Variants in RBFOX3 observed in about 807,000 individuals in gnomAD.
The protein encoded by RBFOX3 is RNA binding fox-1 homolog 3, also known as RNA binding protein fox-1 homolog 3.
Under a neutral mutation model 48.7 loss-of-function variants are expected in RBFOX3, and 17 were observed. The observed-to-expected ratio is 0.35, with a 90% CI of 0.24 to 0.52. The LOEUF is 0.52. Among genes scored for constraint, RBFOX3 ranks in the 20% least tolerant of loss-of-function variants. RBFOX3 has a pLI of 0.94. For missense variants in RBFOX3, 382 were observed against 497.5 expected (o/e 0.77, Z 2.21); for synonymous variants, 212 against 209.5 (o/e 1.01, Z -0.10).
intron 3 of RBFOX3, among the ~76,000 whole-genome samples, chr17:79,265,362 G>A (rs770497579): frequency 7.2e-5 from 11 of 152,156 alleles, no homozygotes; most frequent in Non-Finnish European, 1.3e-4. Context: ...ACAGCCTCCC[G>A]CTTAACGAGG....
At chr17:79,098,647 AC>A (rs1465846761) in intron 9 of RBFOX3, 1 of 152,214 alleles carries the variant, frequency 6.6e-6, no homozygotes, top group Non-Finnish European at 1.5e-5. Flanking sequence ...GACCTGCTCC[AC>A]CTGGAGGCCT....
At chr17:79,161,199 G>A (rs2046911025) in intron 4 of RBFOX3, among the ~76,000 whole-genome samples, 2 of 152,304 alleles carry the variant, frequency 1.3e-5, no homozygotes, top group East Asian at 3.9e-4. Flanking sequence ...CTCCCTGGAG[G>A]AGGTGGCCCA....
intron 3 of RBFOX3, among the ~76,000 whole-genome samples, chr17:79,291,575 C>T (rs1008847982): frequency 2.0e-5 from 3 of 152,184 alleles, no homozygotes; most frequent in African/African-American, 7.2e-5. Flanking sequence ...ATGCATCCAC[C>T]CCTTGAGCCT....
intron 2 of RBFOX3, among the ~76,000 whole-genome samples, chr17:79,325,451 T>C (rs2079159180): frequency 6.6e-6 from 1 of 152,146 alleles, no homozygotes; most frequent in South Asian, 2.1e-4. Context: ...TCCCTAAATG[T>C]CAACTACCCA....
chr17:79,625,509 G>A, the RBFOX3 span, among the ~76,000 whole-genome samples: 1 of 152,142 alleles, frequency 6.6e-6, no homozygotes, highest in Admixed American at 6.5e-5. Context: ...GTGAGTTTGG[G>A]GCCAGGCGTG....
chr17:79,590,032 G>A (rs2093371272), intron 1 of RBFOX3, among the ~76,000 whole-genome samples: 1 of 152,182 alleles, frequency 6.6e-6, no homozygotes, highest in Non-Finnish European at 1.5e-5. Context: ...ATTCCCTGGA[G>A]GGCACTGCAG....
chr17:79,147,299 C>A (rs2043236511), intron 4 of RBFOX3, among the ~76,000 whole-genome samples: 1 of 152,250 alleles, frequency 6.6e-6, no homozygotes, highest in Non-Finnish European at 1.5e-5. Context: ...GGGAGGACAG[C>A]TTCAGTTCAC....
chr17:79,638,640 G>A, the RBFOX3 span, among the ~76,000 whole-genome samples: 3 of 152,202 alleles, frequency 2.0e-5, no homozygotes, highest in African/African-American at 7.2e-5. Flanking sequence ...CTAATGGGAG[G>A]TGTTTGGGTC....
rs1009717263 is a variant in RBFOX3 at position 79,482,983 on chromosome 17, C to T, written c.-319-385G>A. On this transcript the variant is annotated intron_variant, in intron 1 of 14. Transcript: ENST00000693108. The surrounding 1 kb of genome is among the most constrained non-coding windows in gnomAD (Gnocchi z 4.1). ...CCGCCCGCTCTTGCTTCCTCCCCCA[C>T]CCAGCCTAGATTCCAGGACCCACCA... 6.6e-6 allele frequency among the ~76,000 whole-genome samples: 1 copy of T among 151,928 alleles called. No homozygotes were observed. Among genetic ancestry groups the T allele is most frequent in the Non-Finnish European group, 1.5e-5 (1 of 67,998 alleles).
Position 79,089,447 on chromosome 17 carries a change from G to A in RBFOX3, c.*1436C>T, listed in dbSNP as rs1270750600. 19 of 152,738 alleles carry A rather than the reference G, an allele frequency of 1.2e-4. No homozygotes were observed. The highest frequency in any genetic ancestry group is 1.2e-3 in the Admixed American group (18 of 15,276). The allele number at this position is 152,738 out of a possible 1,614,324, so 9.5% of individuals were successfully genotyped here. A position where few individuals can be genotyped will look rare whatever the true frequency, so the allele number is the denominator to read the frequency against. On this transcript the variant is annotated 3_prime_UTR_variant, in exon 15 of 15. Coordinates refer to ENST00000693108, the MANE Select transcript of RBFOX3 (RefSeq NM_001350451.2). ...ACAGAATGGTAAGAAAGGAAGCCCG[G>A]GGCTCGGCTGCAGTCCTGGGGATCT...
At chr17:79,411,925 G>A (rs552420901) in intron 2 of RBFOX3, among the ~76,000 whole-genome samples, 17 of 152,316 alleles carry the variant, frequency 1.1e-4, no homozygotes, top group African/African-American at 2.6e-4. Context: ...TGGTGTATGC[G>A]AGTGTGTAGT....
At chr17:79,547,265 G>A (rs1295425878) in intron 1 of RBFOX3, among the ~76,000 whole-genome samples, 2 of 152,084 alleles carry the variant, frequency 1.3e-5, no homozygotes, top group African/African-American at 2.4e-5. Context: ...TGACCAACAC[G>A]GTGAAACTCC....
chr17:79,319,700 G>T (rs1368828218), intron 2 of RBFOX3, among the ~76,000 whole-genome samples: 3 of 151,306 alleles, frequency 2.0e-5, no homozygotes, highest in African/African-American at 7.3e-5. Context: ...TGCTGGTCTT[G>T]TATGGGCTGC....
intron 3 of RBFOX3, among the ~76,000 whole-genome samples, chr17:79,238,144 T>C (rs1350309486): frequency 1.3e-5 from 2 of 152,064 alleles, no homozygotes; most frequent in East Asian, 1.9e-4. Context: ...ACCATGTTGG[T>C]CAGGCTGGTC....
intron 5 of RBFOX3, among the ~76,000 whole-genome samples, chr17:79,110,953 CT>C (rs147046579): frequency 0.029 from 4,436 of 152,356 alleles, 82 homozygotes; most frequent in Non-Finnish European, 0.042. Flanking sequence ...CGGCCTACCC[CT>C]CACCCCTTCC....
intron 2 of RBFOX3, among the ~76,000 whole-genome samples, chr17:79,448,191 C>T (rs1177287462): frequency 6.6e-6 from 1 of 152,104 alleles, no homozygotes; most frequent in Non-Finnish European, 1.5e-5. Context: ...TACAATGGTT[C>T]AGGAGCCCCC....
chr17:79,500,941 C>G (rs911547059), intron 1 of RBFOX3, among the ~76,000 whole-genome samples: 6 of 152,126 alleles, frequency 3.9e-5, no homozygotes, highest in Non-Finnish European at 5.9e-5. Flanking sequence ...TTCAGCATCT[C>G]CAGGGAGTGG....
At chr17:79,633,071 C>T in the RBFOX3 span, among the ~76,000 whole-genome samples, 1 of 152,246 alleles carries the variant, frequency 6.6e-6, no homozygotes, top group Non-Finnish European at 1.5e-5. Flanking sequence ...CACGAAGTTC[C>T]TCAAGGAGAG....
intron 1 of RBFOX3, among the ~76,000 whole-genome samples, chr17:79,494,758 C>T (rs1442623846): frequency 6.6e-6 from 1 of 152,230 alleles, no homozygotes; most frequent in East Asian, 1.9e-4. Context: ...GGAAGTGAGG[C>T]CCGTCAAGGA....
Sources: gnomAD v4.1 joint callset for allele counts (sites outside exome capture counted in the v4.1 genomes callset) on GRCh38, gnomAD v4.1.1 for gene constraint, Gnocchi (gnomAD v3.1) non-coding constraint, MANE v1.5 for transcripts, NCBI Gene and HGNC (gene_info 2026-07-23, HGNC 2026-07-21) for gene names.